The following ARHGAP18 variants were observed in gnomAD, a reference collection of about 807,000 sequenced individuals.
ARHGAP18 encodes the protein rho GTPase-activating protein 18.
ARHGAP18 carries 67 observed loss-of-function variants against 86.2 expected under a neutral mutation model. The ratio of observed to expected loss-of-function variants is 0.78; its 90% CI spans 0.64 to 0.95. The LOEUF (loss-of-function observed/expected upper bound fraction) is 0.95, where lower values mean the gene tolerates loss of function less well. ARHGAP18 is among the 40% of genes least tolerant of loss of function. The pLI is 0.00. For missense variants in ARHGAP18, 691 were observed against 780.4 expected (o/e 0.89, Z 1.37); for synonymous variants, 283 against 280.4 (o/e 1.01, Z -0.09).
chr6:129,630,994 C>T (rs532216935), intron 4 of ARHGAP18, among the ~76,000 whole-genome samples: 2 of 152,264 alleles, frequency 1.3e-5, no homozygotes, highest in South Asian at 4.2e-4. Flanking sequence ...TCTCAACAGC[C>T]TGTGACCATT....
chr6:129,649,914 GTT>G (rs374087104), intron 1 of ARHGAP18, among the ~76,000 whole-genome samples: 2 of 129,140 alleles, frequency 1.5e-5, no homozygotes. Flanking sequence ...CTTTTTTTTT[GTT>G]TTTTTTTTTT....
At chr6:129,658,587 G>A (rs1773888230) in intron 1 of ARHGAP18, among the ~76,000 whole-genome samples, 2 of 152,146 alleles carry the variant, frequency 1.3e-5, no homozygotes, top group South Asian at 2.1e-4. Flanking sequence ...CAAATCTTAC[G>A]CTAAAATTTT....
chr6:129,672,647 G>C (rs192433093), intron 1 of ARHGAP18, among the ~76,000 whole-genome samples: 3 of 152,200 alleles, frequency 2.0e-5, no homozygotes, highest in African/African-American at 7.2e-5. Flanking sequence ...CCAGTATGCT[G>C]AGCTAATGCC....
chr6:129,673,787 T>C (rs1430683790), intron 1 of ARHGAP18, among the ~76,000 whole-genome samples: 1 of 152,242 alleles, frequency 6.6e-6, no homozygotes, highest in Non-Finnish European at 1.5e-5. Flanking sequence ...GAAAATCTGA[T>C]ATTTCTATTC....
rs1788886742 is a variant in ARHGAP18 at position 129,607,918 on chromosome 6, A to G, written c.1257T>C (p.Tyr419=). 9.9e-6 allele frequency: 16 copies of G among 1,611,598 alleles called. No homozygotes were observed. The East Asian group carries it at 2.9e-4, about 29-fold the overall frequency. ...TCTGGACAGCCTGAAAGGCTTTGAG[A>G]TACTCCACACTGAGCAGTGGCTGGG... The part of the protein sequence containing the change: ...ELPQPLLSVE[Y]LKAFQAVQNL... Residue 419 remains tyrosine, a synonymous_variant, in exon 9 of 15, where the codon TAT becomes TAC. Coordinates refer to ENST00000368149, the MANE Select transcript of ARHGAP18 (RefSeq NM_033515.3).
At chr6:129,707,064 TA>T (rs1165380517) in intron 1 of ARHGAP18, among the ~76,000 whole-genome samples, 320 of 140,264 alleles carry the variant, frequency 2.3e-3, no homozygotes, top group Middle Eastern at 3.6e-3. Context: ...CCGACTCCAC[TA>T]AAAAAAAAAA....
intron 1 of ARHGAP18, among the ~76,000 whole-genome samples, chr6:129,660,883 T>G (rs1199199927): frequency 6.6e-6 from 1 of 151,768 alleles, no homozygotes; most frequent in Non-Finnish European, 1.5e-5. Context: ...CTGTGTGTGG[T>G]GTGAGGGAGT....
chr6:129,681,530 A>C (rs987914249), intron 1 of ARHGAP18, among the ~76,000 whole-genome samples: 1 of 152,248 alleles, frequency 6.6e-6, no homozygotes, highest in South Asian at 2.1e-4. Context: ...ATTAGTATAC[A>C]AATTCAATCT....
At chr6:129,617,604 T>A (rs1473809790) in intron 6 of ARHGAP18, among the ~76,000 whole-genome samples, 1 of 152,148 alleles carries the variant, frequency 6.6e-6, no homozygotes, top group Non-Finnish European at 1.5e-5. Context: ...AACTTAACGT[T>A]TCTTTGCCAG....
chr6:129,701,783 C>G (rs1411103243), intron 1 of ARHGAP18, among the ~76,000 whole-genome samples: 1 of 149,584 alleles, frequency 6.7e-6, no homozygotes, highest in Admixed American at 6.7e-5. Flanking sequence ...TAAAAAAAAA[C>G]AAAAAACAAA....
intron 5 of ARHGAP18, among the ~76,000 whole-genome samples, chr6:129,622,700 A>G (rs1258704029): frequency 1.4e-5 from 2 of 146,504 alleles, no homozygotes; most frequent in Non-Finnish European, 3.1e-5. Context: ...CTCTTGAAAA[A>G]TGTGTTTAAA....
intron 10 of ARHGAP18, among the ~76,000 whole-genome samples, chr6:129,601,474 A>AAAGAG (rs762686939): frequency 6.6e-5 from 10 of 151,906 alleles, no homozygotes; most frequent in African/African-American, 1.9e-4. Flanking sequence ...CAAAAAAGGA[A>AAAGAG]AAGAGAAGAG....
chr6:129,677,546 C>T (rs962195493), intron 1 of ARHGAP18, among the ~76,000 whole-genome samples: 3 of 152,176 alleles, frequency 2.0e-5, no homozygotes, highest in African/African-American at 7.2e-5. Context: ...ATTTAAAGTT[C>T]TGACTCTAGA....
chr6:129,580,121 G>A lies in ARHGAP18; in HGVS notation c.1849C>T (p.Gln617Ter), dbSNP rs1468992872. ...AAAACTTCTCCTTTCTTGAGAGTCT[G>A]GGCAACCCCACTATGAGGGACAAAA... ...RFLSQESGVA[Q>*]TLKKGEVFLY... Residue 617 changes from glutamine to a stop codon, truncating the protein, a stop_gained, in exon 14 of 15, where the codon CAG becomes TAG. Coordinates refer to ENST00000368149, the MANE Select transcript of ARHGAP18 (RefSeq NM_033515.3). LOFTEE classifies it high-confidence loss of function. 1.2e-6 allele frequency: 2 copies of A among 1,613,620 alleles called. No homozygotes were observed. Among genetic ancestry groups the A allele is most frequent in the Non-Finnish European group, 1.7e-6 (2 of 1,179,728 alleles).
chr6:129,616,052 C>T (rs1789090741), intron 7 of ARHGAP18, among the ~76,000 whole-genome samples, 160 bp downstream of exon 7: 2 of 152,154 alleles, frequency 1.3e-5, no homozygotes, highest in South Asian at 4.1e-4. Flanking sequence ...GAATATAAAA[C>T]TTATGAGCCC....
rs932944238 is a variant in ARHGAP18 at position 129,611,588 on chromosome 6, C to G, written c.1067G>C (p.Arg356Thr). 1 of 1,613,714 alleles carries G rather than the reference C, an allele frequency of 6.2e-7. No individual in the cohort carries two copies. Among genetic ancestry groups the G allele is most frequent in the Non-Finnish European group, 8.5e-7 (1 of 1,179,792 alleles). Residue 356 changes from arginine to threonine, a missense_variant, in exon 8 of 15, where the codon AGA (arginine) becomes ACA (threonine). Arg to Thr is a moderately conservative substitution (Grantham distance 71). Transcript: ENST00000368149. ...FQKLISRIEERGLETEGLLRI... is the reference protein window; with the variant it reads ...FQKLISRIEETGLETEGLLRI... The stretch of plus-strand genomic sequence containing the variant: ...TAAGAGGCCTTCTGTTTCCAAACCT[C>G]TCTCTTCAATTCGAGAAATCAGCTG...
chr6:129,699,361 G>C (rs1432051482), intron 1 of ARHGAP18, among the ~76,000 whole-genome samples: 4 of 152,182 alleles, frequency 2.6e-5, no homozygotes, highest in African/African-American at 7.2e-5. Context: ...GAAGGACATT[G>C]TACTAAAGTA....
intron 12 of ARHGAP18, among the ~76,000 whole-genome samples, chr6:129,592,375 G>A (rs1203866726): frequency 4.6e-5 from 7 of 152,164 alleles, no homozygotes; most frequent in Non-Finnish European, 7.3e-5. Context: ...CATCTACACC[G>A]CACTGCTGCC....
At chr6:129,579,203 T>A (rs1025152980) in intron 14 of ARHGAP18, among the ~76,000 whole-genome samples, 2 of 152,132 alleles carry the variant, frequency 1.3e-5, no homozygotes, top group African/African-American at 4.8e-5. Flanking sequence ...CCTAAGAAAC[T>A]ACACTTAATT....
Sources: gnomAD v4.1 joint callset for allele counts (sites outside exome capture counted in the v4.1 genomes callset) on GRCh38, gnomAD v4.1.1 for gene constraint, MANE v1.5 for transcripts, NCBI Gene and HGNC (gene_info 2026-07-23, HGNC 2026-07-21) for gene names.